Variants in GRIK1 observed in about 807,000 individuals in gnomAD.
GRIK1 encodes the protein glutamate ionotropic receptor kainate type subunit 1.
GRIK1 carries 69 observed loss-of-function variants against 105.7 expected under a neutral mutation model. The ratio of observed to expected loss-of-function variants is 0.65; its 90% CI spans 0.54 to 0.80. The LOEUF (loss-of-function observed/expected upper bound fraction) is 0.80. Ranked by LOEUF, GRIK1 falls within the 30% of genes least tolerant of loss-of-function variation. The pLI, the probability that GRIK1 is intolerant of heterozygous loss-of-function variation, is 0.00. For synonymous variants in GRIK1, 438 were observed against 431.3 expected, an observed-to-expected ratio of 1.02 and a Z score of -0.19; for missense variants, 1,109 against 1,167.3, an observed-to-expected ratio of 0.95 and a Z score of 0.73.
chr21:29,729,724 G>T (rs79961598), intron 1 of GRIK1, among the ~76,000 whole-genome samples: 1 of 152,116 alleles, frequency 6.6e-6, no homozygotes, highest in African/African-American at 2.4e-5. Context: ...CCACTTGAAG[G>T]TATTTTTCAT....
At chr21:29,544,849 G>A (rs2090026040) in intron 16 of GRIK1, among the ~76,000 whole-genome samples, 1 of 152,232 alleles carries the variant, frequency 6.6e-6, no homozygotes, top group Non-Finnish European at 1.5e-5. Flanking sequence ...CAGGTGATGT[G>A]AGAATCTTGA....
At chr21:29,767,147 G>A (rs985420622) in intron 1 of GRIK1, among the ~76,000 whole-genome samples, 2 of 152,122 alleles carry the variant, frequency 1.3e-5, no homozygotes, top group African/African-American at 2.4e-5. Flanking sequence ...ATGGAAAAGG[G>A]AGAAAGAAAA....
chr21:29,599,729 G>A (rs2061482032), intron 7 of GRIK1, among the ~76,000 whole-genome samples: 1 of 152,192 alleles, frequency 6.6e-6, no homozygotes, highest in Non-Finnish European at 1.5e-5. Flanking sequence ...GGTGGAGGTT[G>A]TGGTGAGCCG....
At chr21:29,656,389 A>AAAG (rs869096813) in intron 4 of GRIK1, among the ~76,000 whole-genome samples, 2 of 145,500 alleles carry the variant, frequency 1.4e-5, no homozygotes, top group Non-Finnish European at 3.0e-5. Context: ...AAAAAAAAAA[A>AAAG]GAAATGAAGA....
intron 16 of GRIK1, among the ~76,000 whole-genome samples, chr21:29,550,827 A>G (rs2090121627): frequency 6.6e-6 from 1 of 152,216 alleles, no homozygotes. Context: ...ATATATATTA[A>G]CAGGACTTTT....
intron 1 of GRIK1, among the ~76,000 whole-genome samples, chr21:29,930,208 T>C (rs1477772155): frequency 6.6e-6 from 1 of 152,168 alleles, no homozygotes; most frequent in Non-Finnish European, 1.5e-5. Context: ...AAGGCAAATA[T>C]TGCCTTTAGA....
At chr21:29,675,810 G>T (rs1443477719) in intron 3 of GRIK1, among the ~76,000 whole-genome samples, 2 of 152,146 alleles carry the variant, frequency 1.3e-5, no homozygotes, top group Non-Finnish European at 2.9e-5. Context: ...TAGCTAATAA[G>T]TGGCAGAACC....
At chr21:29,793,523 C>A (rs762430251) in intron 1 of GRIK1, among the ~76,000 whole-genome samples, 31 of 146,974 alleles carry the variant, frequency 2.1e-4, no homozygotes, top group Non-Finnish European at 3.9e-4. Flanking sequence ...TCTGCCTTTT[C>A]CTTCTCCTCC....
Position 29,627,511 on chromosome 21 carries a change from G to T in GRIK1, c.1098+15315C>A, listed in dbSNP as rs548427008. On this transcript the variant is annotated intron_variant, in intron 7 of 17. Coordinates refer to ENST00000327783, the MANE Select transcript of GRIK1 (RefSeq NM_001330994.2). ...CCGTGCCCCACACCATCACCCCATT[G>T]TCCCTTTTTCTCTCCATGGAAGATT... Among the ~76,000 whole-genome samples, 3 of 152,294 alleles carry T rather than the reference G, an allele frequency of 2.0e-5. No individual in the cohort carries two copies. The South Asian group carries it at 6.2e-4, about 32-fold the overall frequency.
rs34910439 is a variant in GRIK1 at position 29,541,575 on chromosome 21, C to CTTTTTTTTTTTTTTTTTT, written c.2608-3709_2608-3692dup. The stretch of plus-strand genomic sequence containing the variant: ...CTATGCCATTCATTGCACTCACGGT[C>CTTTTTTTTTTTTTTTTTT]TTTTTTTTTTTTTTTTTTTTTGTGG... On this transcript the variant is annotated intron_variant, in intron 16 of 17. Coordinates refer to ENST00000327783, the MANE Select transcript of GRIK1 (RefSeq NM_001330994.2). Among the ~76,000 whole-genome samples, 152 of 95,960 alleles carry CTTTTTTTTTTTTTTTTTT rather than the reference C, an allele frequency of 1.6e-3. 20 individuals carry two copies. The highest frequency in any genetic ancestry group is 5.3e-3 in the African/African-American group (110 of 20,944). The allele number at this position is 95,960 out of a possible 152,430, so 63.0% of individuals were successfully genotyped here. A position where few individuals can be genotyped will look rare whatever the true frequency, so the allele number is the denominator to read the frequency against.
chr21:29,939,502 T>C lies in GRIK1; in HGVS notation c.-2A>G, dbSNP rs752508841. ...GGCGAGGAGTGTGCCGTGCTCCATC[T>C]TCCTAGCTTCTTAATTCATGCCGAG... On this transcript the variant is annotated 5_prime_UTR_variant, in exon 1 of 18. Transcript: ENST00000327783. 3.2e-6 allele frequency: 5 copies of C among 1,555,460 alleles called. No individual in the cohort carries two copies. The highest frequency in any genetic ancestry group is 4.4e-6 in the Non-Finnish European group (5 of 1,147,752).
chr21:29,758,230 G>T (rs537063554), intron 1 of GRIK1, among the ~76,000 whole-genome samples: 1 of 152,200 alleles, frequency 6.6e-6, no homozygotes, highest in African/African-American at 2.4e-5. Flanking sequence ...CTGCCACAGG[G>T]TGTGTTAGTC....
chr21:29,626,106 A>G (rs921285908), intron 7 of GRIK1, among the ~76,000 whole-genome samples: 2 of 152,164 alleles, frequency 1.3e-5, no homozygotes, highest in Admixed American at 1.3e-4. Context: ...TATTTTTAAA[A>G]AGAAATTTGT....
At chr21:29,920,346 C>A (rs1163922161) in intron 1 of GRIK1, among the ~76,000 whole-genome samples, 1 of 152,068 alleles carries the variant, frequency 6.6e-6, no homozygotes, top group Admixed American at 6.6e-5. Context: ...TAAATTGTCA[C>A]TGAGCACACA....
intron 1 of GRIK1, among the ~76,000 whole-genome samples, chr21:29,770,003 A>G (rs1489935964): frequency 6.6e-6 from 1 of 152,156 alleles, no homozygotes; most frequent in Non-Finnish European, 1.5e-5. Flanking sequence ...TGTTTTTTAT[A>G]GTAGTTCACC....
At chr21:29,737,221 T>C (rs1183047732) in intron 1 of GRIK1, among the ~76,000 whole-genome samples, 1 of 152,198 alleles carries the variant, frequency 6.6e-6, no homozygotes, top group Non-Finnish European at 1.5e-5. Context: ...GGCGAGACTC[T>C]GGCCTGGGCA....
intron 1 of GRIK1, among the ~76,000 whole-genome samples, chr21:29,929,315 A>G (rs2071488051): frequency 6.6e-6 from 1 of 152,208 alleles, no homozygotes; most frequent in South Asian, 2.1e-4. Flanking sequence ...TCGAGAATCT[A>G]CAAAATCTTA....
intron 4 of GRIK1, among the ~76,000 whole-genome samples, chr21:29,656,300 A>G (rs565240148): frequency 1.4e-5 from 2 of 139,370 alleles, no homozygotes; most frequent in African/African-American, 2.7e-5. Flanking sequence ...GGCGGAGCTT[A>G]CAGTGAGCCA....
chr21:29,638,858 T>C (rs1337899178), intron 7 of GRIK1, among the ~76,000 whole-genome samples: 2 of 152,242 alleles, frequency 1.3e-5, no homozygotes, highest in Non-Finnish European at 2.9e-5. Context: ...ACAAATATTT[T>C]GCTAGGCTAT....
Sources: allele counts gnomAD v4.1 joint callset (sites outside exome capture counted in the v4.1 genomes callset), GRCh38; gene constraint gnomAD v4.1.1; transcripts MANE v1.5; gene names NCBI Gene and HGNC (gene_info 2026-07-23, HGNC 2026-07-21).